Variants in TGFA observed in about 807,000 individuals in gnomAD.
TGFA encodes the protein transforming growth factor alpha.
A neutral mutation model predicts 21.7 loss-of-function variants in TGFA; 12 were observed. The ratio of observed to expected loss-of-function variants is 0.55; its 90% CI spans 0.35 to 0.90. TGFA has a LOEUF of 0.90. Among genes scored for constraint, TGFA ranks in the 40% least tolerant of loss-of-function variants. The pLI is 0.01. For missense variants in TGFA, 178 were observed against 210.8 expected, an observed-to-expected ratio of 0.84 and a Z score of 0.96; for synonymous variants, 79 against 88.1, an observed-to-expected ratio of 0.90 and a Z score of 0.58.
rs551433046 is a variant in TGFA at position 70,529,594 on chromosome 2, C to G, written c.41-14682G>C. ...AAAGGTCCTGAGGAGTGAATCCCCC[C>G]GCCCCAGTCCTAGAAAAGAGCAGGT... is the stretch of plus-strand genomic sequence containing the variant. On this transcript the variant is annotated intron_variant, in intron 1 of 5. Transcript: ENST00000295400. 1.0e-3 allele frequency among the ~76,000 whole-genome samples: 140 copies of G among 134,362 alleles called. 1 individual carries two copies. The highest frequency in any genetic ancestry group is 5.1e-3 in the African/African-American group (137 of 26,872). 88.1% of individuals were successfully genotyped at this position (134,362 alleles called of 152,430 possible). A position where few individuals can be genotyped will look rare whatever the true frequency, so the allele number is the denominator to read the frequency against.
chr2:70,550,278 A>T (rs191606263), intron 1 of TGFA, among the ~76,000 whole-genome samples: 2 of 151,204 alleles, frequency 1.3e-5, no homozygotes, highest in African/African-American at 4.8e-5. Context: ...TGCAGTCCTT[A>T]TTTTTTTTTA....
At chr2:70,510,315 C>G (rs1365864077) in intron 2 of TGFA, among the ~76,000 whole-genome samples, 1 of 152,166 alleles carries the variant, frequency 6.6e-6, no homozygotes, top group East Asian at 1.9e-4. Flanking sequence ...AGTGACACTA[C>G]CACTTCCCTA....
intron 2 of TGFA, among the ~76,000 whole-genome samples, chr2:70,476,801 TA>T (rs1670948111): frequency 6.6e-6 from 1 of 152,212 alleles, no homozygotes; most frequent in African/African-American, 2.4e-5. Context: ...TCAACAGTCT[TA>T]AAAACATAGA....
chr2:70,506,500 A>T (rs1326636720), intron 2 of TGFA, among the ~76,000 whole-genome samples: 1 of 152,212 alleles, frequency 6.6e-6, no homozygotes, highest in African/African-American at 2.4e-5. Flanking sequence ...ACGCACACTG[A>T]AATGTAAGAC....
rs1437395024 is a variant in TGFA, at chr2:70,449,947, C to CTGA, written c.*909_*911dup. 1.3e-5 allele frequency: 2 copies of CTGA among 152,406 alleles called. No homozygotes were observed. The highest frequency in any genetic ancestry group is 2.9e-5 in the Non-Finnish European group (2 of 68,184). 9.4% of individuals were successfully genotyped at this position (152,406 alleles called of 1,614,324 possible). ...CCCCAACAGAGGGGACAGATCCCTG[C>CTGA]TGATGGATTTGCTAAGTTTTCTCCC... On this transcript the variant is annotated 3_prime_UTR_variant, in exon 6 of 6. Coordinates refer to ENST00000295400, the MANE Select transcript of TGFA (RefSeq NM_003236.4).
chr2:70,508,197 C>A (rs1186565271), intron 2 of TGFA, among the ~76,000 whole-genome samples: 1 of 152,212 alleles, frequency 6.6e-6, no homozygotes, highest in East Asian at 1.9e-4. Flanking sequence ...GTAAACCCAG[C>A]ACTTTGGGAC....
chr2:70,552,923 G>A (rs1673558373), intron 1 of TGFA, among the ~76,000 whole-genome samples: 1 of 152,218 alleles, frequency 6.6e-6, no homozygotes, highest in South Asian at 2.1e-4. Context: ...GGAGGCGCGC[G>A]GCGCTGCGCC....
chr2:70,475,342 G>A (rs1452947689), intron 2 of TGFA, among the ~76,000 whole-genome samples: 1 of 152,160 alleles, frequency 6.6e-6, no homozygotes, highest in Non-Finnish European at 1.5e-5. Context: ...CAAAAATCTT[G>A]CAAGGAAATC....
At chr2:70,475,581 C>A (rs1025179561) in intron 2 of TGFA, among the ~76,000 whole-genome samples, 31 of 152,104 alleles carry the variant, frequency 2.0e-4, no homozygotes, top group African/African-American at 7.5e-4. Context: ...GCATCTTCCA[C>A]ACACTCAAGA....
At chr2:70,529,470 A>T (rs1395355005) in intron 1 of TGFA, among the ~76,000 whole-genome samples, 1 of 152,220 alleles carries the variant, frequency 6.6e-6, no homozygotes, top group Non-Finnish European at 1.5e-5. Flanking sequence ...GTAAATAAAT[A>T]GTCATCATGG....
At chr2:70,496,419 G>C (rs1195982142) in intron 2 of TGFA, among the ~76,000 whole-genome samples, 1 of 102,784 alleles carries the variant, frequency 9.7e-6, no homozygotes, top group Admixed American at 9.8e-5. Context: ...AAAAAATTTT[G>C]AGCCACAGGG....
intron 1 of TGFA, among the ~76,000 whole-genome samples, chr2:70,521,606 G>GTTTTTTT (rs1559133439): frequency 7.1e-5 from 7 of 98,268 alleles, no homozygotes; most frequent in South Asian, 3.7e-4. Context: ...TTTTTTTGTT[G>GTTTTTTT]TTGTTTGTTT....
chr2:70,480,536 T>A (rs1196590913), intron 2 of TGFA, among the ~76,000 whole-genome samples: 2 of 152,046 alleles, frequency 1.3e-5, no homozygotes, highest in African/African-American at 4.8e-5. Context: ...AAACGTGGTA[T>A]GCTGTAGTGT....
At chr2:70,455,912 G>C (rs749272351) in intron 4 of TGFA, among the ~76,000 whole-genome samples, 6 of 152,230 alleles carry the variant, frequency 3.9e-5, no homozygotes, top group Non-Finnish European at 5.9e-5. Context: ...TCATCAGCCT[G>C]TAACAGCAAC....
intron 2 of TGFA, among the ~76,000 whole-genome samples, chr2:70,484,130 T>A (rs117146916): frequency 6.6e-6 from 1 of 152,224 alleles, no homozygotes; most frequent in Non-Finnish European, 1.5e-5. Context: ...CTCACTTCTA[T>A]AGCACATATA....
intron 1 of TGFA, among the ~76,000 whole-genome samples, chr2:70,519,230 G>A (rs1410372232): frequency 1.3e-5 from 2 of 152,094 alleles, no homozygotes; most frequent in Non-Finnish European, 2.9e-5. Flanking sequence ...AGTAGTTAGT[G>A]GTACGTAGAC....
At chr2:70,524,783 G>C (rs1198936465) in intron 1 of TGFA, among the ~76,000 whole-genome samples, 1 of 152,196 alleles carries the variant, frequency 6.6e-6, no homozygotes, top group African/African-American at 2.4e-5. Context: ...ACAGGGCCCT[G>C]GGCCCTTTGC....
intron 2 of TGFA, among the ~76,000 whole-genome samples, chr2:70,469,745 T>A (rs1670679020): frequency 6.6e-6 from 1 of 152,248 alleles, no homozygotes; most frequent in African/African-American, 2.4e-5. Flanking sequence ...GGGTCCTTTT[T>A]GGAGCTGATT....
At chr2:70,521,610 T>TTGG (rs1672465097) in intron 1 of TGFA, among the ~76,000 whole-genome samples, 4 of 86,272 alleles carry the variant, frequency 4.6e-5, no homozygotes, top group African/African-American at 2.1e-4. Context: ...TTTGTTGTTG[T>TTGG]TTGTTTGTTT....
Sources: allele counts gnomAD v4.1 joint callset (sites outside exome capture counted in the v4.1 genomes callset), GRCh38; gene constraint gnomAD v4.1.1; transcripts MANE v1.5; gene names NCBI Gene and HGNC (gene_info 2026-07-23, HGNC 2026-07-21).